KLF16: variants seen among roughly 807,000 people sequenced by gnomAD.
KLF16 encodes Krueppel-like factor 16.
A neutral mutation model predicts 6.1 loss-of-function variants in KLF16; 6 were observed. The observed-to-expected ratio is 0.98, with a 90% confidence interval of 0.54 to 1.93. The LOEUF is 1.93. KLF16 is among the 30% of genes most tolerant of loss of function. KLF16 has a pLI of 0.01. For missense variants in KLF16, 355 were observed against 363.8 expected, an observed-to-expected ratio of 0.98 and a Z score of 0.20; for synonymous variants, 211 against 176.5, an observed-to-expected ratio of 1.20 and a Z score of -1.55.
chr19:1,875,468 C>T, the KLF16 span: 1 of 152,234 alleles, frequency 6.6e-6, no homozygotes, highest in African/African-American at 2.4e-5. Flanking sequence ...AAACGGGTTT[C>T]CCTCTGCCCC....
chr19:1,863,403 G>C lies in KLF16; in HGVS notation c.95C>G (p.Pro32Arg). ...GCCGGCGGCGGGGCCCGCGCCCTCG[G>C]GGCCGGGCCGCCCGCGGTGCACCAC... ...GAVVHRGRPG[P>R]EGAGPAAGLD... The change falls in exon 1 of 2, where the codon CCC becomes CGC. Residue 32 changes from proline (P) to arginine (R), a missense_variant. Coordinates refer to ENST00000250916, the MANE Select transcript of KLF16 (RefSeq NM_031918.4). The C allele has an allele frequency of 1.0e-6, 1 of 995,440 alleles. No individual in the cohort carries two copies. Among genetic ancestry groups the C allele is most frequent in the Non-Finnish European group, 1.2e-6 (1 of 838,432 alleles). 61.7% of individuals were successfully genotyped at this position (995,440 alleles called of 1,614,324 possible). A position where few individuals can be genotyped will look rare whatever the true frequency, so the allele number is the denominator to read the frequency against.
At chr19:1,865,127 C>T (rs1434373572), upstream of KLF16, among the ~76,000 whole-genome samples, 1 of 152,208 alleles carries the variant, frequency 6.6e-6, no homozygotes, top group Non-Finnish European at 1.5e-5. Context: ...TCCCTGGGCC[C>T]CAGTAAGCCC....
chr19:1,869,189 G>A, the KLF16 span, among the ~76,000 whole-genome samples: 7 of 152,270 alleles, frequency 4.6e-5, no homozygotes, highest in African/African-American at 1.4e-4. Context: ...TTAATCTCCT[G>A]GCTTTAGCCA....
At chr19:1,864,200 G>T (rs1217652508), upstream of KLF16, among the ~76,000 whole-genome samples, 1 of 151,614 alleles carries the variant, frequency 6.6e-6, no homozygotes, top group Admixed American at 6.6e-5. Flanking sequence ...GTTCGCGATG[G>T]AGGAGGGCTC....
chr19:1,859,582 A>T (rs76142830), intron 1 of KLF16, among the ~76,000 whole-genome samples: 3 of 151,592 alleles, frequency 2.0e-5, no homozygotes, highest in African/African-American at 7.3e-5. Context: ...CCTCCACAGC[A>T]GACCCCAGAG....
At chr19:1,860,115 G>A (rs2012033309) in intron 1 of KLF16, 1 of 144,608 alleles carries the variant, frequency 6.9e-6, no homozygotes, top group Non-Finnish European at 1.5e-5. Flanking sequence ...CTGGCATGCC[G>A]GGGGCGGGGG....
chr19:1,860,521 G>C (rs1040787702), intron 1 of KLF16: 1 of 152,282 alleles, frequency 6.6e-6, no homozygotes. Context: ...TCCCTTTACA[G>C]AGAAGCACTC....
chr19:1,854,354 C>A lies in KLF16; in HGVS notation c.*105G>T. 7.6e-7 allele frequency: 1 copy of A among 1,318,484 alleles called. No homozygotes were observed. The allele number at this position is 1,318,484 out of a possible 1,614,324, so 81.7% of individuals were successfully genotyped here. A position where few individuals can be genotyped will look rare whatever the true frequency, so the allele number is the denominator to read the frequency against. On this transcript the variant is annotated 3_prime_UTR_variant, in exon 2 of 2. Transcript: ENST00000250916. ...CTCTGGAGGGGGGCAGGGGTGTCTT[C>A]AGGGTTTGCCCACGGCTGGAAGGGG...
rs1261810362 is a variant in KLF16, at chr19:1,863,507, GGGCGCGCGGCGC to G, written c.-22_-11del. The G allele has an allele frequency of 2.0e-6, 2 of 992,450 alleles. No homozygotes were observed. The highest frequency in any genetic ancestry group is 1.1e-4 in the East Asian group (1 of 9,310). The allele number at this position is 992,450 out of a possible 1,614,324, so 61.5% of individuals were successfully genotyped here. On this transcript the variant is annotated 5_prime_UTR_variant, in exon 1 of 2. Coordinates refer to ENST00000250916, the MANE Select transcript of KLF16 (RefSeq NM_031918.4). ...CCACGGCCGCCGACATGCCGAGCAA[GGGCGCGCGGCGC>G]GGCGGGCGGAGCGGAGGCGGCGGGA...
the KLF16 span, among the ~76,000 whole-genome samples, chr19:1,874,715 A>C: frequency 1.4e-5 from 2 of 138,526 alleles, no homozygotes; most frequent in Non-Finnish European, 3.1e-5. Context: ...CAGCCGAGAA[A>C]TGGTATTCAG....
At chr19:1,874,729 T>C in the KLF16 span, 1 of 65,236 alleles carries the variant, frequency 1.5e-5, no homozygotes, top group African/African-American at 5.4e-5. Context: ...TATTCAGCAA[T>C]AAATGTGTCA....
At position 1,854,201 on chromosome 19, in the gene KLF16, C is replaced by T. The variant is rs547081062; in HGVS notation, c.*258G>A. The T allele has an allele frequency of 2.4e-6, 1 of 408,802 alleles. No individual in the cohort carries two copies. 25.3% of individuals were successfully genotyped at this position (408,802 alleles called of 1,614,324 possible). ...GGACCTCCTAGCTGCCCTGGGGGGG[C>T]CCCGTTGCACAGATGGGAAGAAAGT... is the stretch of plus-strand genomic sequence containing the variant. On this transcript the variant is annotated 3_prime_UTR_variant, in exon 2 of 2. Transcript: ENST00000250916.
chr19:1,872,749 G>T, the KLF16 span, among the ~76,000 whole-genome samples: 1 of 152,076 alleles, frequency 6.6e-6, no homozygotes, highest in Non-Finnish European at 1.5e-5. Context: ...GCCTGGCCGG[G>T]GTCTCGGCTA....
At chr19:1,868,659 T>C in the KLF16 span, among the ~76,000 whole-genome samples, 1 of 149,648 alleles carries the variant, frequency 6.7e-6, no homozygotes, top group Non-Finnish European at 1.5e-5. Flanking sequence ...TTTTTTTTTT[T>C]TGGAAATAGA....
intron 1 of KLF16, among the ~76,000 whole-genome samples, chr19:1,862,594 G>GCGA (rs2012088783): frequency 6.6e-6 from 1 of 151,988 alleles, no homozygotes; most frequent in Admixed American, 6.5e-5. Context: ...CCCGGCGGCG[G>GCGA]CGACGCGGTT....
At chr19:1,869,767 C>T in the KLF16 span, among the ~76,000 whole-genome samples, 6 of 152,006 alleles carry the variant, frequency 3.9e-5, no homozygotes, top group Admixed American at 1.3e-4. Flanking sequence ...CCGCCACGCC[C>T]GGCTAAATTT....
In KLF16 at chr19:1,854,125, A is replaced by C; in HGVS notation, c.*334T>G. On this transcript the variant is annotated 3_prime_UTR_variant, in exon 2 of 2. Coordinates refer to ENST00000250916, the MANE Select transcript of KLF16 (RefSeq NM_031918.4). The stretch of plus-strand genomic sequence containing the variant: ...TCCCAGAAGTCCACTCCACCCCCCC[A>C]AACCCCACCCCGGGAGGGGGGCAGC... 3.6e-6 allele frequency: 1 copy of C among 274,012 alleles called. No individual in the cohort carries two copies. The highest frequency in any genetic ancestry group is 6.8e-6 in the Non-Finnish European group (1 of 147,948). The allele number at this position is 274,012 out of a possible 1,614,324, so 17.0% of individuals were successfully genotyped here.
At chr19:1,868,630 C>A in the KLF16 span, among the ~76,000 whole-genome samples, 3 of 150,724 alleles carry the variant, frequency 2.0e-5, no homozygotes, top group African/African-American at 4.9e-5. Context: ...AGGTGCCCAC[C>A]ACCACACCGG....
At chr19:1,871,473 C>T in the KLF16 span, among the ~76,000 whole-genome samples, 1 of 152,160 alleles carries the variant, frequency 6.6e-6, no homozygotes, top group South Asian at 2.1e-4. Flanking sequence ...ACCCTAAAGT[C>T]CCCACCCCCC....
Sources: allele counts gnomAD v4.1 joint callset (sites outside exome capture counted in the v4.1 genomes callset), GRCh38; gene constraint gnomAD v4.1.1; transcripts MANE v1.5; gene names NCBI Gene and HGNC (gene_info 2026-07-23, HGNC 2026-07-21).